The following HACE1 variants were observed in gnomAD, a reference collection of about 807,000 sequenced individuals.
HACE1 encodes E3 ubiquitin-protein ligase HACE1.
A neutral mutation model predicts 118.4 loss-of-function variants in HACE1; 73 were observed. That is an observed-to-expected ratio of 0.62 (90% CI 0.51 to 0.75). HACE1 has a LOEUF of 0.75. Among genes scored for constraint, HACE1 ranks in the 30% least tolerant of loss-of-function variants. The pLI is 0.00. For missense variants in HACE1, 749 were observed against 1,102.2 expected (o/e 0.68, Z 4.54); for synonymous variants, 368 against 374.8 (o/e 0.98, Z 0.21).
In HACE1 at chr6:104,785,147, T is replaced by G; in HGVS notation, c.1247A>C (p.Tyr416Ser). 1.2e-6 allele frequency: 2 copies of G among 1,614,052 alleles called. No homozygotes were observed. The highest frequency in any genetic ancestry group is 1.7e-6 in the Non-Finnish European group (2 of 1,179,966). The change falls in exon 12 of 24, where the codon TAT becomes TCT. Residue 416 changes from tyrosine (Y) to serine (S), a missense_variant. By Grantham distance (144) the Tyr-to-Ser change is moderately radical. Transcript: ENST00000262903. ...CCTTGTGCCAGTGGACAGATTTTCA[T>G]AGCTCCCAGGTCCTGGAGGTTCAAA... Reference protein sequence around the residue: ...PPFEPPGPGSYENLSTGTRES... With the variant: ...PPFEPPGPGSSENLSTGTRES...
chr6:104,743,721 A>G (rs1419261717), intron 22 of HACE1, among the ~76,000 whole-genome samples: 1 of 152,116 alleles, frequency 6.6e-6, no homozygotes, highest in Non-Finnish European at 1.5e-5. Context: ...TTGACACTTT[A>G]AAGTTTACTT....
At chr6:104,814,107 T>C (rs992092515) in intron 6 of HACE1, among the ~76,000 whole-genome samples, 1 of 137,200 alleles carries the variant, frequency 7.3e-6, no homozygotes, top group Admixed American at 7.2e-5. Context: ...GGAGACATAC[T>C]GCAGAAAATA....
At chr6:104,754,674 T>C (rs1340698164) in intron 19 of HACE1, among the ~76,000 whole-genome samples, 1 of 152,204 alleles carries the variant, frequency 6.6e-6, no homozygotes, top group Middle Eastern at 3.2e-3. Flanking sequence ...GAATTTCATA[T>C]CTGGACAAAC....
chr6:104,838,662 C>G (rs557298595), intron 5 of HACE1, among the ~76,000 whole-genome samples: 1 of 152,018 alleles, frequency 6.6e-6, no homozygotes, highest in South Asian at 2.1e-4. Flanking sequence ...TTGAGTAATA[C>G]CCCTTGAGCA....
chr6:104,829,165 A>T (rs1773615560), intron 6 of HACE1, among the ~76,000 whole-genome samples: 1 of 152,148 alleles, frequency 6.6e-6, no homozygotes, highest in Non-Finnish European at 1.5e-5. Context: ...CATGGACACC[A>T]GTTCTGAACA....
At chr6:104,743,429 C>T (rs1160551434) in intron 22 of HACE1, among the ~76,000 whole-genome samples, 2 of 151,694 alleles carry the variant, frequency 1.3e-5, no homozygotes, top group African/African-American at 4.8e-5. Context: ...GTGGTTATGG[C>T]TGATGGGCTA....
intron 6 of HACE1, among the ~76,000 whole-genome samples, chr6:104,824,495 T>C (rs145019572): frequency 5.5e-4 from 84 of 152,302 alleles, no homozygotes; most frequent in African/African-American, 1.9e-3. Flanking sequence ...CTTAGATAGA[T>C]GAAAATGTAC....
chr6:104,800,673 C>T (rs1770230692), intron 7 of HACE1, among the ~76,000 whole-genome samples: 1 of 152,084 alleles, frequency 6.6e-6, no homozygotes, highest in Non-Finnish European at 1.5e-5. Flanking sequence ...GCATCAACAT[C>T]AACAAAAAGG....
intron 19 of HACE1, among the ~76,000 whole-genome samples, chr6:104,756,588 G>A (rs533015370): frequency 1.8e-4 from 27 of 152,070 alleles, no homozygotes; most frequent in Admixed American, 4.6e-4. Context: ...CAAGATGGCC[G>A]AATAGGAACA....
intron 14 of HACE1, among the ~76,000 whole-genome samples, chr6:104,778,428 GT>G (rs1424211791): frequency 1.3e-5 from 2 of 151,994 alleles, no homozygotes; most frequent in Non-Finnish European, 2.9e-5. Context: ...AGCTATAGAA[GT>G]CCTGGTCATG....
intron 7 of HACE1, among the ~76,000 whole-genome samples, chr6:104,806,213 G>A (rs1487048079): frequency 6.6e-6 from 1 of 152,186 alleles, no homozygotes; most frequent in Non-Finnish European, 1.5e-5. Flanking sequence ...TGTAATCTCA[G>A]CACTTTGGGA....
chr6:104,787,894 A>G (rs558940744), intron 11 of HACE1, among the ~76,000 whole-genome samples: 2 of 152,268 alleles, frequency 1.3e-5, no homozygotes, highest in South Asian at 4.1e-4. Flanking sequence ...AAAAAATAAG[A>G]TAAGTAATAA....
chr6:104,737,408 C>T (rs373098151), intron 22 of HACE1, among the ~76,000 whole-genome samples: 7 of 151,758 alleles, frequency 4.6e-5, no homozygotes, highest in Non-Finnish European at 7.4e-5. Flanking sequence ...GCATTTCCAT[C>T]TGAGGTACCG....
At position 104,776,960 on chromosome 6, in the gene HACE1, T is replaced by C. The variant is rs1042160138; in HGVS notation, c.1776+53A>G. ...ATATTAAACTTTATTCAAAAGGCAT[T>C]TCAATCTTTCTTTACATACAGTGAT... On this transcript the variant is annotated intron_variant, in intron 16 of 23. Transcript: ENST00000262903. The C allele has an allele frequency of 1.0e-5, 14 of 1,338,040 alleles. No homozygotes were observed. The African/African-American group carries it at 1.6e-4, about 15-fold the overall frequency. 82.9% of individuals were successfully genotyped at this position (1,338,040 alleles called of 1,614,324 possible). A position where few individuals can be genotyped will look rare whatever the true frequency, so the allele number is the denominator to read the frequency against.
intron 17 of HACE1, among the ~76,000 whole-genome samples, chr6:104,772,416 C>T (rs1023952665): frequency 3.3e-5 from 5 of 152,154 alleles, no homozygotes; most frequent in South Asian, 2.1e-4. Context: ...CACACACACA[C>T]GCACATATAC....
At chr6:104,802,963 C>T (rs1415291776) in intron 7 of HACE1, among the ~76,000 whole-genome samples, 2 of 152,076 alleles carry the variant, frequency 1.3e-5, no homozygotes, top group African/African-American at 4.8e-5. Flanking sequence ...GGCTACACTG[C>T]TAGCAAGACT....
chr6:104,859,419 CG>C, intron 1 of HACE1, 147 bp downstream of exon 1: 5 of 656,220 alleles, frequency 7.6e-6, no homozygotes, highest in Admixed American at 7.2e-5. Flanking sequence ...GTTCGGGGCC[CG>C]GGGCCGCCTC....
At chr6:104,760,308 C>T (rs766153040) in intron 19 of HACE1, among the ~76,000 whole-genome samples, 8 of 152,026 alleles carry the variant, frequency 5.3e-5, no homozygotes, top group African/African-American at 9.7e-5. Context: ...AATAAAATAC[C>T]GGCAAACCAA....
intron 22 of HACE1, chr6:104,731,762 A>T (rs1166031136): frequency 1.3e-5 from 2 of 151,886 alleles, no homozygotes; most frequent in African/African-American, 2.4e-5. Context: ...ATACTATAAA[A>T]CTCTTAGAAG....
Sources: allele counts gnomAD v4.1 joint callset (sites outside exome capture counted in the v4.1 genomes callset), GRCh38; gene constraint gnomAD v4.1.1; transcripts MANE v1.5; gene names NCBI Gene and HGNC (gene_info 2026-07-23, HGNC 2026-07-21).